GUCY1A2: variants seen among roughly 807,000 people sequenced by gnomAD.
GUCY1A2 encodes the protein guanylate cyclase 1 soluble subunit alpha 2, also known as guanylate cyclase soluble subunit alpha-2.
In GUCY1A2, 27 loss-of-function variants were observed where a neutral mutation model predicts 63.5. That is an observed-to-expected ratio of 0.43 (90% CI 0.31 to 0.59). The LOEUF (loss-of-function observed/expected upper bound fraction) is 0.59, where lower values mean the gene tolerates loss of function less well. Ranked by LOEUF, GUCY1A2 falls within the 20% of genes least tolerant of loss-of-function variation. GUCY1A2 has a pLI of 0.11. For synonymous variants in GUCY1A2, 364 were observed against 343.5 expected, an observed-to-expected ratio of 1.06 and a Z score of -0.66; for missense variants, 768 against 913.3, an observed-to-expected ratio of 0.84 and a Z score of 2.05.
chr11:106,820,299 A>C (rs543414379), intron 4 of GUCY1A2, among the ~76,000 whole-genome samples: 1 of 152,318 alleles, frequency 6.6e-6, no homozygotes, highest in South Asian at 2.1e-4. Context: ...AAACCTACCA[A>C]TACTATGGTC....
intron 3 of GUCY1A2, among the ~76,000 whole-genome samples, chr11:106,967,607 G>A (rs1861142436): frequency 6.6e-6 from 1 of 152,018 alleles, no homozygotes; most frequent in Non-Finnish European, 1.5e-5. Flanking sequence ...ATTGGGTGAT[G>A]CAAATGATGG....
chr11:106,754,581 G>A (rs999263806), intron 6 of GUCY1A2, among the ~76,000 whole-genome samples: 6 of 152,134 alleles, frequency 3.9e-5, no homozygotes, highest in Non-Finnish European at 8.8e-5. Context: ...GTTGAATTTC[G>A]TCGACGGTCT....
chr11:106,975,889 G>A (rs973221737), intron 3 of GUCY1A2, among the ~76,000 whole-genome samples: 6 of 152,032 alleles, frequency 3.9e-5, no homozygotes, highest in Admixed American at 3.9e-4. Context: ...TCAGGTCCTC[G>A]TTTTTATTCC....
intron 4 of GUCY1A2, among the ~76,000 whole-genome samples, chr11:106,811,208 T>G (rs1858757735): frequency 1.3e-5 from 2 of 152,124 alleles, no homozygotes. Context: ...CTCTTTTCTA[T>G]GCCCTTTCAC....
intron 4 of GUCY1A2, among the ~76,000 whole-genome samples, chr11:106,877,248 G>C (rs992983486): frequency 1.3e-5 from 2 of 151,986 alleles, no homozygotes; most frequent in Middle Eastern, 3.2e-3. Flanking sequence ...TCTAGGTATA[G>C]GATCAAGTCA....
intron 1 of GUCY1A2, among the ~76,000 whole-genome samples, chr11:106,995,376 TGTCTGAGTCACAATCCAATCTAG>T (rs1565354284): frequency 1.3e-5 from 2 of 152,198 alleles, no homozygotes; most frequent in Non-Finnish European, 2.9e-5. Flanking sequence ...AGGTAGTAAG[TGTCTGAGTCACAATCCAATCTAG>T]GTCTGACTCC....
intron 4 of GUCY1A2, among the ~76,000 whole-genome samples, chr11:106,847,458 CTAT>C (rs1285680579): frequency 6.6e-6 from 1 of 151,042 alleles, no homozygotes; most frequent in African/African-American, 2.4e-5. Context: ...CTAATCATTG[CTAT>C]TATTATTATT....
chr11:106,983,509 A>G (rs17653533), intron 2 of GUCY1A2, among the ~76,000 whole-genome samples: 2,633 of 152,308 alleles, frequency 0.017, 36 homozygotes, highest in Non-Finnish European at 0.024. Context: ...GAGAGTTTCT[A>G]TGGGCAACCA....
chr11:106,928,581 TAAC>T (rs1217567600), intron 4 of GUCY1A2, among the ~76,000 whole-genome samples: 2 of 152,048 alleles, frequency 1.3e-5, no homozygotes, highest in Non-Finnish European at 2.9e-5. Context: ...ATGAATCACT[TAAC>T]AACAAGAGAA....
intron 4 of GUCY1A2, among the ~76,000 whole-genome samples, chr11:106,919,193 T>A (rs959979000): frequency 6.6e-6 from 1 of 152,138 alleles, no homozygotes; most frequent in African/African-American, 2.4e-5. Flanking sequence ...CCAATGCTCA[T>A]GTTCAAAAAC....
At chr11:106,791,133 G>C (rs548137671) in intron 5 of GUCY1A2, among the ~76,000 whole-genome samples, 1 of 152,264 alleles carries the variant, frequency 6.6e-6, no homozygotes, top group African/African-American at 2.4e-5. Flanking sequence ...GGCAAGGTTT[G>C]GCAGAACTCA....
chr11:107,013,528 G>T (rs1861776864), intron 1 of GUCY1A2, among the ~76,000 whole-genome samples: 2 of 152,102 alleles, frequency 1.3e-5, no homozygotes. Context: ...CTTCAATCAG[G>T]TCTTAAGGTC....
chr11:106,794,119 G>C (rs1485722561), intron 5 of GUCY1A2, among the ~76,000 whole-genome samples: 1 of 151,922 alleles, frequency 6.6e-6, no homozygotes, highest in Non-Finnish European at 1.5e-5. Context: ...GATAAATGAA[G>C]AAAATGTGAT....
At chr11:107,008,020 C>T (rs770058665) in intron 1 of GUCY1A2, among the ~76,000 whole-genome samples, 2 of 149,808 alleles carry the variant, frequency 1.3e-5, no homozygotes, top group Non-Finnish European at 2.9e-5. Context: ...CGGTGGCTCA[C>T]GCCTGTAATC....
intron 6 of GUCY1A2, among the ~76,000 whole-genome samples, 157 bp from the exon 7 acceptor site, chr11:106,708,823 A>G (rs1862965917): frequency 6.6e-6 from 1 of 151,844 alleles, no homozygotes; most frequent in Non-Finnish European, 1.5e-5. Context: ...TTGTGAGCCT[A>G]ATAGCTGGAT....
chr11:106,826,814 T>C (rs989596298), intron 4 of GUCY1A2: 10 of 1,609,168 alleles, frequency 6.2e-6, no homozygotes, highest in East Asian at 4.5e-5. Context: ...CAGGATGTAG[T>C]ACAGATGTCA....
chr11:106,865,673 A>C, intron 4 of GUCY1A2, among the ~76,000 whole-genome samples: 1 of 151,998 alleles, frequency 6.6e-6, no homozygotes, highest in East Asian at 1.9e-4. Context: ...TAGGGGAGGG[A>C]TACCATTAGG....
chr11:106,783,323 T>C (rs942973349), intron 5 of GUCY1A2, among the ~76,000 whole-genome samples: 2 of 152,300 alleles, frequency 1.3e-5, no homozygotes, highest in East Asian at 1.9e-4. Context: ...GGTCAGCACA[T>C]AGACATCACT....
intron 6 of GUCY1A2, among the ~76,000 whole-genome samples, chr11:106,712,748 G>C (rs541039119): frequency 6.6e-6 from 1 of 152,196 alleles, no homozygotes; most frequent in African/African-American, 2.4e-5. Flanking sequence ...ACTAAGGCAA[G>C]AACCTTGAGT....
Sources: gnomAD v4.1 joint callset for allele counts (sites outside exome capture counted in the v4.1 genomes callset) on GRCh38, gnomAD v4.1.1 for gene constraint, MANE v1.5 for transcripts, NCBI Gene and HGNC (gene_info 2026-07-23, HGNC 2026-07-21) for gene names.